The following AKR1D1 variants were observed in gnomAD, a reference collection of about 807,000 sequenced individuals.
The protein encoded by AKR1D1 is aldo-keto reductase family 1 member D1.
Under a neutral mutation model 42.6 loss-of-function variants are expected in AKR1D1, and 32 were observed. The ratio of observed to expected loss-of-function variants is 0.75; its 90% CI spans 0.57 to 1.01. The LOEUF (loss-of-function observed/expected upper bound fraction) is 1.01, where lower values mean the gene tolerates loss of function less well. Among genes scored for constraint, AKR1D1 ranks in the 50% least tolerant of loss-of-function variants. AKR1D1 has a pLI of 0.00. For missense variants in AKR1D1, 364 were observed against 402.2 expected (o/e 0.91, Z 0.81); for synonymous variants, 123 against 135.5 (o/e 0.91, Z 0.64).
chr7:138,107,256 T>G, intron 6 of AKR1D1, 159 bp from the exon 7 acceptor site: 1 of 812,632 alleles, frequency 1.2e-6, no homozygotes, highest in South Asian at 1.4e-5. Context: ...TAACTCTCCA[T>G]TCAGTGCATA....
chr7:138,115,075 G>A lies in AKR1D1; in HGVS notation c.938+1303G>A, dbSNP rs989940350. 2.6e-5 allele frequency among the ~76,000 whole-genome samples: 4 copies of A among 152,120 alleles called. No individual in the cohort carries two copies. In the South Asian group the frequency reaches 8.3e-4, roughly 31 times the overall value. ...TAAACACATAAATAACACTTTCCTAGAACTAACAGTTATAGGTTAATTAAT... is the reference window on the plus strand; with the variant it reads ...TAAACACATAAATAACACTTTCCTAAAACTAACAGTTATAGGTTAATTAAT... On this transcript the variant is annotated intron_variant, in intron 8 of 8. Coordinates refer to ENST00000242375, the MANE Select transcript of AKR1D1 (RefSeq NM_005989.4).
intron 3 of AKR1D1, among the ~76,000 whole-genome samples, chr7:138,092,972 CATT>C (rs1794112071): frequency 6.6e-6 from 1 of 151,990 alleles, no homozygotes. Flanking sequence ...AATAAATTAA[CATT>C]AGCTTATTGT....
chr7:138,087,604 T>C (rs752129916), intron 1 of AKR1D1, among the ~76,000 whole-genome samples: 6 of 152,184 alleles, frequency 3.9e-5, no homozygotes, highest in Non-Finnish European at 4.4e-5. Context: ...ATGACATATA[T>C]ACATCTGTGA....
At chr7:138,106,579 G>A (rs1468485547) in intron 5 of AKR1D1, 29 bp from the exon 6 acceptor site, 1 of 1,570,004 alleles carries the variant, frequency 6.4e-7, no homozygotes, top group East Asian at 2.2e-5. Flanking sequence ...CCTTGATTTT[G>A]TGCTCTGCTC....
Position 138,105,436 on chromosome 7 carries a change from C to A in AKR1D1, c.579+7C>A. 6.2e-7 allele frequency: 1 copy of A among 1,613,736 alleles called. No homozygotes were observed. Among genetic ancestry groups the A allele is most frequent in the South Asian group, 1.1e-5 (1 of 91,058 alleles). On this transcript the variant is annotated splice_region_variant and intron_variant, in intron 5 of 8. Coordinates refer to ENST00000242375, the MANE Select transcript of AKR1D1 (RefSeq NM_005989.4). Reference sequence around the variant, plus strand: ...CAAGCCAGTCAGCAACCAGGTACAGCCTAATAGCTTCCACTAGGGTGTGGG... The same window carrying A: ...CAAGCCAGTCAGCAACCAGGTACAGACTAATAGCTTCCACTAGGGTGTGGG...
chr7:138,098,011 C>A, intron 4 of AKR1D1, 68 bp downstream of exon 4: 1 of 1,219,068 alleles, frequency 8.2e-7, no homozygotes, highest in Non-Finnish European at 1.2e-6. Flanking sequence ...TTATTCCTGT[C>A]ATATTTATGG....
rs781703908 is a variant in AKR1D1, at chr7:138,107,475, GT to G, written c.751del (p.Tyr251ThrfsTer46). On this transcript the variant is annotated frameshift_variant, in exon 7 of 9. Coordinates refer to ENST00000242375, the MANE Select transcript of AKR1D1 (RefSeq NM_005989.4). LOFTEE classifies it high-confidence loss of function. ...CACTTCTAAACTCATTGGGGAAAAG[GT>G]ACAATAAGACAGCAGCTCAAATTGT... Reference protein sequence around the residue: ...DALLNSLGKRYNKTAAQIVLR... With the variant: ...DALLNSLGKRXNKTAAQIVLR... 1.2e-6 allele frequency: 2 copies of G among 1,613,972 alleles called. No homozygotes were observed. Among genetic ancestry groups the G allele is most frequent in the African/African-American group, 2.7e-5 (2 of 74,936 alleles).
intron 5 of AKR1D1, 54 bp from the exon 6 acceptor site, chr7:138,106,554 C>T: frequency 1.5e-6 from 2 of 1,341,426 alleles, no homozygotes; most frequent in South Asian, 1.2e-5. Context: ...AGTACAATTG[C>T]ATTCAACAAC....
At chr7:138,092,663 A>G (rs1422731556) in intron 3 of AKR1D1, among the ~76,000 whole-genome samples, 3 of 152,268 alleles carry the variant, frequency 2.0e-5, no homozygotes, top group African/African-American at 7.2e-5. Flanking sequence ...CTCCTAGGCT[A>G]TAAACCTGCA....
chr7:138,104,368 G>C lies in AKR1D1; in HGVS notation c.457-939G>C, dbSNP rs1234741894. ...AGACAGAGTGTTACATCCAAAAATG[G>C]GAGAATGTATCTATTTCACATATAC... On this transcript the variant is annotated intron_variant, in intron 4 of 8. Coordinates refer to ENST00000242375, the MANE Select transcript of AKR1D1 (RefSeq NM_005989.4). 2.6e-5 allele frequency among the ~76,000 whole-genome samples: 4 copies of C among 151,934 alleles called. No individual in the cohort carries two copies. In the East Asian group the frequency reaches 5.8e-4, roughly 22 times the overall value.
chr7:138,088,658 C>G lies in AKR1D1; in HGVS notation c.151C>G (p.His51Asp). The G allele has an allele frequency of 1.2e-6, 2 of 1,614,106 alleles. No individual in the cohort carries two copies. Among genetic ancestry groups the G allele is most frequent in the Non-Finnish European group, 1.7e-6 (2 of 1,180,012 alleles). ...VKVAIDTGYR[H>D]IDGAYIYQNE... ...GGTTGCTATTGACACAGGGTACCGA[C>G]ATATTGATGGGGCCTACATCTACCA... is the stretch of plus-strand genomic sequence containing the variant. The change falls in exon 2 of 9, where the codon CAT becomes GAT. Residue 51 changes from histidine to aspartate, a missense_variant. His to Asp is a moderately conservative substitution (Grantham distance 81). Transcript: ENST00000242375.
At chr7:138,107,753 A>G (rs966983896) in intron 7 of AKR1D1, among the ~76,000 whole-genome samples, 173 bp downstream of exon 7, 1 of 152,178 alleles carries the variant, frequency 6.6e-6, no homozygotes, top group African/African-American at 2.4e-5. Flanking sequence ...ATTTGAGACA[A>G]TTGCTAGTAC....
intron 3 of AKR1D1, among the ~76,000 whole-genome samples, chr7:138,097,536 AG>A (rs1448604827): frequency 3.3e-5 from 5 of 152,242 alleles, no homozygotes. Flanking sequence ...CTGTCCCAGC[AG>A]GGGGAGCAGG....
At chr7:138,083,730 A>G (rs983637117) in intron 1 of AKR1D1, among the ~76,000 whole-genome samples, 4 of 152,176 alleles carry the variant, frequency 2.6e-5, no homozygotes, top group Admixed American at 2.6e-4. Flanking sequence ...TGGTCTTAAA[A>G]ATCTTTAATC....
chr7:138,110,660 G>A (rs921092697), intron 7 of AKR1D1, among the ~76,000 whole-genome samples: 6 of 152,084 alleles, frequency 3.9e-5, no homozygotes, highest in Non-Finnish European at 8.8e-5. Flanking sequence ...GGCTGAGGCA[G>A]GAGAATCGCT....
chr7:138,100,830 GAGT>G (rs1317396698), intron 4 of AKR1D1, among the ~76,000 whole-genome samples: 4 of 146,050 alleles, frequency 2.7e-5, no homozygotes, highest in Non-Finnish European at 6.0e-5. Flanking sequence ...TCAGCCTCCC[GAGT>G]AGCTGGGACT....
intron 2 of AKR1D1, among the ~76,000 whole-genome samples, chr7:138,090,441 A>T (rs1412208534): frequency 1.3e-5 from 2 of 152,132 alleles, no homozygotes; most frequent in African/African-American, 4.8e-5. Context: ...GTTCGAGACC[A>T]GACTGGCCAA....
intron 1 of AKR1D1, among the ~76,000 whole-genome samples, chr7:138,085,013 G>A (rs185469322): frequency 0.012 from 1,453 of 121,382 alleles, 26 homozygotes; most frequent in Non-Finnish European, 9.9e-3. Context: ...CTGAGATCAT[G>A]CCACTGCACT....
At chr7:138,110,421 A>G (rs1030742589) in intron 7 of AKR1D1, among the ~76,000 whole-genome samples, 41 of 152,268 alleles carry the variant, frequency 2.7e-4, no homozygotes, top group Middle Eastern at 3.4e-3. Flanking sequence ...CAACAAAGCG[A>G]GATCCCATTG....
Sources: allele counts gnomAD v4.1 joint callset (sites outside exome capture counted in the v4.1 genomes callset), GRCh38; gene constraint gnomAD v4.1.1; transcripts MANE v1.5; gene names NCBI Gene and HGNC (gene_info 2026-07-23, HGNC 2026-07-21).